DMD: variants seen among roughly 807,000 people sequenced by gnomAD.
DMD encodes the protein mutant dystrophin.
DMD carries 63 observed loss-of-function variants against 330.1 expected under a neutral mutation model. That is an observed-to-expected ratio of 0.19 (90% confidence interval 0.16 to 0.24). DMD has a LOEUF of 0.24. Among genes scored for constraint, DMD ranks in the 10% least tolerant of loss-of-function variants. The probability of loss-of-function intolerance (pLI) is 1.00; values close to 1 mark genes in which losing one functional copy is unlikely to be tolerated. For synonymous variants in DMD, 1,223 were observed against 959.8 expected (o/e 1.27, Z -5.07); for missense variants, 3,344 against 2,684.1 (o/e 1.25, Z -5.43).
At chrX:32,072,297 C>T (rs1243278020) in intron 44 of DMD, among the ~76,000 whole-genome samples, 1 of 111,398 alleles carries the variant, frequency 9.0e-6, no homozygotes, top group African/African-American at 3.3e-5. Context: ...TAAAACACTG[C>T]TCTTTTGAGA....
At position 32,839,428 on chromosome X, in the gene DMD, T is replaced by C. The variant is rs184721032; in HGVS notation, c.264+5355A>G. ...ACTGTTCCTAAGTATATATGCTTCA[T>C]ATTGCCTACCATGTGGCTGTAATCT... On this transcript the variant is annotated intron_variant, in intron 4 of 78. Transcript: ENST00000357033. Among the ~76,000 whole-genome samples the C allele has an allele frequency of 7.1e-5, 8 of 112,064 alleles. No homozygotes were observed. In the East Asian group the frequency reaches 2.3e-3, roughly 32 times the overall value.
chrX:31,544,822 T>C (rs1412237431), intron 55 of DMD, among the ~76,000 whole-genome samples: 1 of 111,335 alleles, frequency 9.0e-6, no homozygotes, highest in Non-Finnish European at 1.9e-5. Flanking sequence ...AAGAGTCAAG[T>C]AGATTCTAAA....
intron 67 of DMD, among the ~76,000 whole-genome samples, chrX:31,194,836 A>C (rs891628989): frequency 8.0e-5 from 9 of 111,888 alleles, no homozygotes; most frequent in African/African-American, 2.9e-4. Flanking sequence ...AAAGTTCCCC[A>C]GGATTCGTTT....
chrX:32,927,339 G>A (rs2089132365), intron 2 of DMD, among the ~76,000 whole-genome samples: 1 of 104,508 alleles, frequency 9.6e-6, no homozygotes, highest in Non-Finnish European at 1.9e-5. Context: ...TTTACTGAGG[G>A]GTAGCAAGTT....
chrX:32,343,628 T>A (rs2097754919), intron 39 of DMD, among the ~76,000 whole-genome samples: 1 of 111,411 alleles, frequency 9.0e-6, no homozygotes, highest in Non-Finnish European at 1.9e-5. Context: ...TTGACTTAAC[T>A]AGATACAAAC....
intron 18 of DMD, among the ~76,000 whole-genome samples, chrX:32,514,289 T>A (rs993321534): frequency 9.4e-6 from 1 of 106,867 alleles, no homozygotes; most frequent in African/African-American, 3.4e-5. Context: ...ATTTGAGAAA[T>A]ATTATTTCGA....
chrX:33,149,290 C>G (rs927372314), intron 1 of DMD, among the ~76,000 whole-genome samples: 1 of 111,394 alleles, frequency 9.0e-6, no homozygotes, highest in African/African-American at 3.3e-5. Flanking sequence ...AAAGAGTATG[C>G]GACCTAGATC....
intron 1 of DMD, among the ~76,000 whole-genome samples, chrX:33,234,726 C>T (rs146497469): frequency 0.041 from 4,525 of 111,368 alleles, 200 homozygotes; most frequent in African/African-American, 0.14. Context: ...TATTAGCCAC[C>T]GCTGCCATTC....
At chrX:32,731,570 G>C (rs995301569) in intron 7 of DMD, among the ~76,000 whole-genome samples, 17 of 112,369 alleles carry the variant, frequency 1.5e-4, no homozygotes, top group Non-Finnish European at 2.6e-4. Flanking sequence ...GATCTGAGAA[G>C]GGGCAGACTG....
intron 1 of DMD, among the ~76,000 whole-genome samples, chrX:33,059,633 GA>G (rs1335341687): frequency 1.8e-5 from 2 of 111,496 alleles, no homozygotes; most frequent in Non-Finnish European, 3.8e-5. Flanking sequence ...TTTTGAGAGA[GA>G]TATAAAACCA....
chrX:32,865,137 C>T (rs925970833), intron 2 of DMD, among the ~76,000 whole-genome samples: 3 of 111,265 alleles, frequency 2.7e-5, no homozygotes, highest in Admixed American at 9.6e-5. Flanking sequence ...ATGTGTCAGA[C>T]GAGGGGGATA....
At chrX:31,159,649 A>G (rs1478961435) in intron 74 of DMD, among the ~76,000 whole-genome samples, 1 of 110,934 alleles carries the variant, frequency 9.0e-6, no homozygotes, top group African/African-American at 3.3e-5. Flanking sequence ...TCTCCGCCAC[A>G]ACCATGACCC....
chrX:31,748,880 T>C (rs1194668786), intron 51 of DMD, among the ~76,000 whole-genome samples: 2 of 111,519 alleles, frequency 1.8e-5, no homozygotes, highest in Non-Finnish European at 3.8e-5. Context: ...AAATGGCCCA[T>C]ATCCTCCTTT....
chrX:32,925,991 G>T (rs1170044105), intron 2 of DMD, among the ~76,000 whole-genome samples: 1 of 111,899 alleles, frequency 8.9e-6, no homozygotes, highest in Non-Finnish European at 1.9e-5. Context: ...AAAGATATGT[G>T]CACTCCCGTG....
intron 52 of DMD, among the ~76,000 whole-genome samples, chrX:31,709,262 C>T (rs768491011): frequency 4.0e-4 from 45 of 111,610 alleles, no homozygotes; most frequent in African/African-American, 1.3e-3. Context: ...CAGAGTGAGA[C>T]TCTGACTCAA....
intron 9 of DMD, among the ~76,000 whole-genome samples, chrX:32,678,592 C>A (rs2062135405): frequency 9.0e-6 from 1 of 110,747 alleles, no homozygotes; most frequent in South Asian, 3.8e-4. Flanking sequence ...AATCAAAGGG[C>A]AACTGTCCAG....
In DMD at chrX:32,178,255, T is replaced by C. The variant is rs373656382; in HGVS notation, c.6438+38661A>G. Among the ~76,000 whole-genome samples the C allele has an allele frequency of 6.4e-5, 7 of 109,396 alleles. No homozygotes were observed. The South Asian group carries it at 1.2e-3, about 19-fold the overall frequency. 95.0% of individuals were successfully genotyped at this position (109,396 alleles called of 115,157 possible). ...TACTTTTCATGTACACTAGAAATGA[T>C]AGTGTGAAATATATTAATGAGGTTA... is the stretch of plus-strand genomic sequence containing the variant. On this transcript the variant is annotated intron_variant, in intron 44 of 78. Transcript: ENST00000357033.
chrX:31,902,112 C>A (rs971945644), intron 47 of DMD, among the ~76,000 whole-genome samples: 2 of 111,735 alleles, frequency 1.8e-5, no homozygotes, highest in East Asian at 5.6e-4. Flanking sequence ...TGTTTTATTT[C>A]TTTAATGAAT....
At chrX:32,518,628 T>G (rs1344358870) in intron 17 of DMD, among the ~76,000 whole-genome samples, 1 of 111,125 alleles carries the variant, frequency 9.0e-6, no homozygotes, top group Non-Finnish European at 1.9e-5. Flanking sequence ...GAGAAGTGCT[T>G]GCATGTCAGA....
Sources: gnomAD v4.1 joint callset for allele counts (sites outside exome capture counted in the v4.1 genomes callset) on GRCh38, gnomAD v4.1.1 for gene constraint, MANE v1.5 for transcripts, NCBI Gene and HGNC (gene_info 2026-07-23, HGNC 2026-07-21) for gene names.